TP53BP2: variants seen among roughly 807,000 people sequenced by gnomAD.
The protein encoded by TP53BP2 is tumor protein p53 binding protein 2.
TP53BP2 carries 62 observed loss-of-function variants against 126.2 expected under a neutral mutation model. The observed-to-expected ratio is 0.49, with a 90% confidence interval of 0.40 to 0.61. TP53BP2 has a LOEUF of 0.61. TP53BP2 is among the 20% of genes least tolerant of loss of function. The pLI is 0.00. For missense variants in TP53BP2, 1,215 were observed against 1,402.8 expected (o/e 0.87, Z 2.14); for synonymous variants, 485 against 502.9 (o/e 0.96, Z 0.48).
intron 6 of TP53BP2, among the ~76,000 whole-genome samples, chr1:223,803,657 T>G (rs1662612982): frequency 6.6e-6 from 1 of 152,230 alleles, no homozygotes; most frequent in East Asian, 1.9e-4. Flanking sequence ...CAATGTATAT[T>G]TATCAGAATT....
chr1:223,805,479 T>C (rs1391690226), intron 5 of TP53BP2, among the ~76,000 whole-genome samples: 1 of 152,134 alleles, frequency 6.6e-6, no homozygotes, highest in Non-Finnish European at 1.5e-5. Context: ...GTGATTCATA[T>C]GTATCTTAAG....
At chr1:223,831,298 C>CGA (rs1663701373) in intron 1 of TP53BP2, among the ~76,000 whole-genome samples, 3 of 146,300 alleles carry the variant, frequency 2.1e-5, no homozygotes, top group Non-Finnish European at 4.5e-5. Flanking sequence ...CTGAAGAGGC[C>CGA]GAGGTGGGAG....
intron 11 of TP53BP2, 138 bp from the exon 12 acceptor site, chr1:223,798,815 T>TGTTAACTAGTTTTA (rs1662429454): frequency 1.3e-6 from 1 of 753,502 alleles, no homozygotes; most frequent in Non-Finnish European, 2.1e-6. Flanking sequence ...CTCACACCTG[T>TGTTAACTAGTTTTA]AATCCCAGCA....
At chr1:223,820,801 C>T (rs1663276378) in intron 2 of TP53BP2, among the ~76,000 whole-genome samples, 1 of 152,190 alleles carries the variant, frequency 6.6e-6, no homozygotes, top group African/African-American at 2.4e-5. Context: ...TCAAGGCTTA[C>T]AATAATGCCC....
chr1:223,796,001 G>A lies in TP53BP2; in HGVS notation c.2538C>T (p.Asn846=). Residue 846 remains asparagine, a synonymous_variant, in exon 13 of 18, where the codon AAC becomes AAT. Transcript: ENST00000343537. The surrounding 1 kb of genome is among the most constrained non-coding windows in gnomAD (Gnocchi z 4.2). ...LDYEPEGVPD[N]SPNLQNNPEE... is the part of the protein sequence containing the mutation. ...CTGGGTTATTCTGGAGATTTGGGCT[G>A]TTGTCTGGGACTCCCTCAGGCTCAT... is the stretch of plus-strand genomic sequence containing the variant. 6.2e-7 allele frequency: 1 copy of A among 1,614,056 alleles called. No homozygotes were observed. The highest frequency in any genetic ancestry group is 1.1e-5 in the South Asian group (1 of 91,056).
At chr1:223,782,034 C>T (rs569215783) in intron 17 of TP53BP2, among the ~76,000 whole-genome samples, 10 of 130,344 alleles carry the variant, frequency 7.7e-5, no homozygotes, top group African/African-American at 3.7e-4. Flanking sequence ...TCATTAACCA[C>T]AGGACCTGTG....
intron 15 of TP53BP2, among the ~76,000 whole-genome samples, chr1:223,790,251 C>A (rs1407708808): frequency 2.7e-5 from 4 of 150,254 alleles, no homozygotes; most frequent in Non-Finnish European, 1.5e-5. Flanking sequence ...GACTCTGTCT[C>A]AAAAAAATTT....
At chr1:223,791,200 G>A (rs1297274393) in intron 15 of TP53BP2, among the ~76,000 whole-genome samples, 3 of 152,086 alleles carry the variant, frequency 2.0e-5, no homozygotes, top group African/African-American at 4.8e-5. Context: ...GCTCGGGCAG[G>A]AGGATCACTT....
intron 1 of TP53BP2, among the ~76,000 whole-genome samples, chr1:223,835,346 C>T (rs1473664067): frequency 6.6e-6 from 1 of 152,194 alleles, no homozygotes; most frequent in Non-Finnish European, 1.5e-5. Context: ...TCTTAGGTTA[C>T]TCTGCTTCAA....
In TP53BP2 at chr1:223,810,528, C is replaced by T. The variant is rs1438799600; in HGVS notation, c.290-15G>A. ...TGGTCCACTCACTAAGGACAAAATTCAAAAACTATGCATTAACACTAGAGT... is the reference window on the plus strand; with the variant it reads ...TGGTCCACTCACTAAGGACAAAATTTAAAAACTATGCATTAACACTAGAGT... On this transcript the variant is annotated splice_polypyrimidine_tract_variant and intron_variant, in intron 3 of 17. Transcript: ENST00000343537. 1.9e-6 allele frequency: 3 copies of T among 1,568,598 alleles called. No homozygotes were observed. The highest frequency in any genetic ancestry group is 1.7e-6 in the Non-Finnish European group (2 of 1,150,088).
chr1:223,797,466 T>C (rs1053423795), intron 12 of TP53BP2, among the ~76,000 whole-genome samples: 4 of 152,048 alleles, frequency 2.6e-5, no homozygotes, highest in Non-Finnish European at 5.9e-5. Context: ...TTGCCCAGGC[T>C]GGAGTGCACC....
In TP53BP2 at chr1:223,802,322, G is replaced by C; in HGVS notation, c.1019C>G (p.Pro340Arg). 1 of 1,614,098 alleles carries C rather than the reference G, an allele frequency of 6.2e-7. No homozygotes were observed. Among genetic ancestry groups the C allele is most frequent in the Non-Finnish European group, 8.5e-7 (1 of 1,180,012 alleles). The change falls in exon 9 of 18, where the codon CCC (proline) becomes CGC (arginine). Residue 340 changes from proline to arginine, a missense_variant. Physicochemically the swap from Pro to Arg is moderately radical, Grantham distance 103. This residue lies in a region of TP53BP2 where 814 missense variants were observed against 853.0 expected (regional missense o/e 0.95). Coordinates refer to ENST00000343537, the MANE Select transcript of TP53BP2 (RefSeq NM_001031685.3). The part of the protein sequence containing the change: ...NLPVSSDGNL[P>R]QQAASAPSRV... The stretch of plus-strand genomic sequence containing the variant: ...GCTTGGGGCTGACGCGGCTTGCTGG[G>C]GAAGATTTCCATCAGATGAAACCTT...
intron 5 of TP53BP2, among the ~76,000 whole-genome samples, chr1:223,805,420 C>G (rs2102856570): frequency 6.6e-6 from 1 of 152,320 alleles, no homozygotes; most frequent in East Asian, 1.9e-4. Flanking sequence ...AAGCTCAAAC[C>G]TCAACTCACC....
rs548197102 is a variant in TP53BP2 at position 223,793,289 on chromosome 1, A to G, written c.2862+14T>C. 5 of 1,542,494 alleles carry G rather than the reference A, an allele frequency of 3.2e-6. No individual in the cohort carries two copies. In the South Asian group the frequency reaches 3.9e-5, roughly 12 times the overall value. On this transcript the variant is annotated intron_variant, in intron 14 of 17. Transcript: ENST00000343537. ...TCTGACTCAAAAAAAAAAATTTACT[A>G]ATTATAATCATACCTCATAAATAAT...
At chr1:223,813,214 G>A (rs1662973292) in intron 3 of TP53BP2, among the ~76,000 whole-genome samples, 1 of 151,978 alleles carries the variant, frequency 6.6e-6, no homozygotes, top group Non-Finnish European at 1.5e-5. Flanking sequence ...CCACCTCCAA[G>A]TCCTGCCTTC....
intron 1 of TP53BP2, among the ~76,000 whole-genome samples, chr1:223,839,193 A>C (rs1664022678): frequency 6.6e-6 from 1 of 152,228 alleles, no homozygotes; most frequent in African/African-American, 2.4e-5. Flanking sequence ...ATGTGTTTGC[A>C]GGCAGACAGT....
chr1:223,803,438 G>C lies in TP53BP2; in HGVS notation c.664C>G (p.Gln222Glu). The C allele has an allele frequency of 6.2e-7, 1 of 1,611,886 alleles. No individual in the cohort carries two copies. The highest frequency in any genetic ancestry group is 8.5e-7 in the Non-Finnish European group (1 of 1,178,940). ...TTTTGCTGGAACAAATTATTCATCT[G>C]TTCAATTTCCTCCACTAGATGAGAC... ...SNGKLVEEIE[Q>E]MNNLFQQKQR... The change falls in exon 7 of 18, where the codon CAG becomes GAG. Residue 222 changes from glutamine to glutamate, a missense_variant. By Grantham distance (29) the Gln-to-Glu change is conservative (BLOSUM62 2). Coordinates refer to ENST00000343537, the MANE Select transcript of TP53BP2 (RefSeq NM_001031685.3).
intron 1 of TP53BP2, 137 bp from the exon 2 acceptor site, chr1:223,821,504 A>G (rs918322027): frequency 1.7e-6 from 2 of 1,199,328 alleles, no homozygotes; most frequent in Non-Finnish European, 2.5e-6. Flanking sequence ...TCACCCGGCC[A>G]AAGGTGAGGT....
intron 1 of TP53BP2, among the ~76,000 whole-genome samples, chr1:223,843,181 CTT>C (rs58598832): frequency 1.6e-3 from 241 of 146,392 alleles, no homozygotes; most frequent in African/African-American, 3.2e-3. Context: ...TTTATTTGCA[CTT>C]TTTTTTTTTT....
Sources: gnomAD v4.1 joint callset for allele counts (sites outside exome capture counted in the v4.1 genomes callset) on GRCh38, gnomAD v4.1.1 for gene constraint, gnomAD v4.1.1 regional missense constraint, Gnocchi (gnomAD v3.1) non-coding constraint, MANE v1.5 for transcripts, NCBI Gene and HGNC (gene_info 2026-07-23, HGNC 2026-07-21) for gene names.